The following GALNT13 variants were observed in gnomAD, a reference collection of about 807,000 sequenced individuals.
GALNT13 encodes the protein UDP-GalNAc:polypeptide N-acetylgalactosaminyltransferase 13.
GALNT13 carries 28 observed loss-of-function variants against 64.2 expected under a neutral mutation model. That is an observed-to-expected ratio of 0.44 (90% CI 0.32 to 0.60). The LOEUF is 0.60. Among genes scored for constraint, GALNT13 ranks in the 20% least tolerant of loss-of-function variants. The pLI, the probability that GALNT13 is intolerant of heterozygous loss-of-function variation, is 0.05. For synonymous variants in GALNT13, 214 were observed against 224.6 expected (o/e 0.95, Z 0.42); for missense variants, 577 against 669.8 (o/e 0.86, Z 1.53).
chr2:153,661,054 T>A, the GALNT13 span, among the ~76,000 whole-genome samples: 2 of 152,088 alleles, frequency 1.3e-5, no homozygotes, highest in Non-Finnish European at 2.9e-5. Flanking sequence ...GAAAATGGCT[T>A]CAGCAGCGTA....
chr2:154,258,806 G>GT (rs1690527944), intron 7 of GALNT13, among the ~76,000 whole-genome samples: 1 of 146,236 alleles, frequency 6.8e-6, no homozygotes, highest in South Asian at 2.1e-4. Context: ...TTGATCACCT[G>GT]TAAAAAAAAA....
At chr2:154,245,635 A>G (rs546960459) in intron 6 of GALNT13, among the ~76,000 whole-genome samples, 177 bp from the exon 7 acceptor site, 1 of 152,308 alleles carries the variant, frequency 6.6e-6, no homozygotes, top group East Asian at 1.9e-4. Flanking sequence ...AGTAAACTGT[A>G]AGGAATATGT....
chr2:153,871,556 C>T (rs911400677), upstream of GALNT13, among the ~76,000 whole-genome samples: 5 of 152,210 alleles, frequency 3.3e-5, no homozygotes, highest in Admixed American at 2.6e-4. Context: ...GAACGCGGTG[C>T]ACGCAGGCCG....
At chr2:154,402,585 G>A (rs1699347446) in intron 10 of GALNT13, among the ~76,000 whole-genome samples, 1 of 152,186 alleles carries the variant, frequency 6.6e-6, no homozygotes, top group South Asian at 2.1e-4. Flanking sequence ...ACATATGAAT[G>A]AGTCAAAAAA....
the GALNT13 span, among the ~76,000 whole-genome samples, chr2:153,303,500 AACAG>A: frequency 2.6e-5 from 4 of 152,192 alleles, no homozygotes; most frequent in African/African-American, 9.7e-5. Context: ...ATTGTCTGCA[AACAG>A]ACAGTCAACT....
chr2:153,499,449 T>C, the GALNT13 span, among the ~76,000 whole-genome samples: 1 of 152,226 alleles, frequency 6.6e-6, no homozygotes, highest in Non-Finnish European at 1.5e-5. Flanking sequence ...ACTGACAGCC[T>C]GCTCCCCATG....
the GALNT13 span, among the ~76,000 whole-genome samples, chr2:153,655,091 A>G: frequency 6.6e-6 from 1 of 152,118 alleles, no homozygotes; most frequent in Non-Finnish European, 1.5e-5. Flanking sequence ...GATTAAGGAG[A>G]GGTATTATTG....
At chr2:153,935,953 T>C (rs1179293085) in intron 2 of GALNT13, among the ~76,000 whole-genome samples, 2 of 152,192 alleles carry the variant, frequency 1.3e-5, no homozygotes, top group African/African-American at 2.4e-5. Flanking sequence ...CCTCTATTAA[T>C]CTAACCCAGA....
chr2:154,298,827 CATTATATATAA>C (rs1415617264), intron 8 of GALNT13, among the ~76,000 whole-genome samples: 7 of 3,360 alleles, frequency 2.1e-3, no homozygotes, highest in Non-Finnish European at 3.4e-3. Flanking sequence ...TTTATATATA[CATTATATATAA>C]ATTATATATT....
intron 3 of GALNT13, among the ~76,000 whole-genome samples, chr2:154,024,910 C>T (rs1697831892): frequency 6.6e-6 from 1 of 152,168 alleles, no homozygotes; most frequent in Admixed American, 6.5e-5. Context: ...TTCCTTCTAA[C>T]AGACAGGACC....
chr2:153,615,405 T>C, the GALNT13 span, among the ~76,000 whole-genome samples: 1 of 152,104 alleles, frequency 6.6e-6, no homozygotes, highest in Non-Finnish European at 1.5e-5. Context: ...GTGAGATTCC[T>C]GGATCATATG....
intron 10 of GALNT13, among the ~76,000 whole-genome samples, chr2:154,407,438 C>T (rs1199813055): frequency 6.6e-6 from 1 of 152,014 alleles, no homozygotes; most frequent in East Asian, 1.9e-4. Context: ...GCAACCTATA[C>T]CATCCTATTT....
intron 9 of GALNT13, among the ~76,000 whole-genome samples, chr2:154,307,989 T>A (rs540707339): frequency 7.2e-5 from 11 of 152,264 alleles, no homozygotes; most frequent in Non-Finnish European, 1.5e-4. Context: ...GGAAGGTAGA[T>A]CTCTAGCTGT....
chr2:153,648,328 CTT>C, the GALNT13 span, among the ~76,000 whole-genome samples: 6 of 152,278 alleles, frequency 3.9e-5, no homozygotes, highest in African/African-American at 1.4e-4. Flanking sequence ...TATCCTGAGA[CTT>C]TGCTGAAGTT....
the GALNT13 span, among the ~76,000 whole-genome samples, chr2:153,518,441 A>G: frequency 8.3e-4 from 127 of 152,300 alleles, no homozygotes; most frequent in Non-Finnish European, 1.5e-3. Flanking sequence ...GGAGAAACAA[A>G]CAGAAGAAAA....
At chr2:154,025,013 G>T (rs1697841463) in intron 3 of GALNT13, among the ~76,000 whole-genome samples, 1 of 152,264 alleles carries the variant, frequency 6.6e-6, no homozygotes, top group Non-Finnish European at 1.5e-5. Context: ...CAGCAGATAT[G>T]GGTGAACCAC....
At chr2:153,513,578 C>G in the GALNT13 span, among the ~76,000 whole-genome samples, 1 of 152,188 alleles carries the variant, frequency 6.6e-6, no homozygotes, top group Non-Finnish European at 1.5e-5. Flanking sequence ...GTTTATTTTT[C>G]CATTGGTCAT....
chr2:153,931,483 C>T lies in GALNT13; in HGVS notation c.-104-12911C>T, dbSNP rs115917325. 8.5e-3 allele frequency among the ~76,000 whole-genome samples: 1,283 copies of T among 151,744 alleles called. 21 individuals are homozygous for T. The highest frequency in any genetic ancestry group is 0.029 in the African/African-American group (1,221 of 41,402). ...TCAGTATGGTGTTTGTCATTGGCTG[C>T]GGTTTTGTCATAGGTGGCTCTTATT... On this transcript the variant is annotated intron_variant, in intron 2 of 12. Coordinates refer to ENST00000392825, the MANE Select transcript of GALNT13 (RefSeq NM_052917.4).
At chr2:154,007,604 A>G (rs1696344223) in intron 3 of GALNT13, among the ~76,000 whole-genome samples, 1 of 152,012 alleles carries the variant, frequency 6.6e-6, no homozygotes. Context: ...GAAAAGGCCT[A>G]GAAATATGTT....
Sources: allele counts gnomAD v4.1 joint callset (sites outside exome capture counted in the v4.1 genomes callset), GRCh38; gene constraint gnomAD v4.1.1; transcripts MANE v1.5; gene names NCBI Gene and HGNC (gene_info 2026-07-23, HGNC 2026-07-21).